The following CDH23 variants were observed in gnomAD, a reference collection of about 807,000 sequenced individuals.
The protein encoded by CDH23 is cadherin related 23.
A neutral mutation model predicts 317.1 loss-of-function variants in CDH23; 189 were observed. That is an observed-to-expected ratio of 0.60 (90% CI 0.53 to 0.67). The LOEUF (loss-of-function observed/expected upper bound fraction) is 0.67. CDH23 is among the 30% of genes least tolerant of loss of function. CDH23 has a pLI of 0.00. For synonymous variants in CDH23, 1,839 were observed against 1,876.8 expected, an observed-to-expected ratio of 0.98 and a Z score of 0.52; for missense variants, 4,401 against 4,592.4, an observed-to-expected ratio of 0.96 and a Z score of 1.20.
intron 40 of CDH23, 49 bp from the exon 41 acceptor site, chr10:71,779,218 A>G (rs1304036779): frequency 1.9e-6 from 3 of 1,576,754 alleles, no homozygotes; most frequent in South Asian, 2.2e-5. Flanking sequence ...GAGGCCCAGC[A>G]CAAAGCTGGC....
At chr10:71,588,154 C>T (rs1269337429) in intron 9 of CDH23, among the ~76,000 whole-genome samples, 1 of 152,170 alleles carries the variant, frequency 6.6e-6, no homozygotes, top group Non-Finnish European at 1.5e-5. Context: ...TCAGCCACCT[C>T]CCACCCCACA....
intron 3 of CDH23, among the ~76,000 whole-genome samples, chr10:71,485,075 G>A (rs1852276982): frequency 6.8e-6 from 1 of 147,278 alleles, no homozygotes; most frequent in Non-Finnish European, 1.5e-5. Context: ...CACCCAGGCT[G>A]GAGGGCAGTG....
intron 3 of CDH23, among the ~76,000 whole-genome samples, chr10:71,486,846 G>A (rs1852379263): frequency 1.3e-5 from 2 of 152,148 alleles, no homozygotes; most frequent in Admixed American, 6.5e-5. Flanking sequence ...GGCAGAGGGA[G>A]AAGTGGAGCT....
At chr10:71,575,458 GA>G (rs2132391968) in intron 8 of CDH23, among the ~76,000 whole-genome samples, 1 of 152,344 alleles carries the variant, frequency 6.6e-6, no homozygotes, top group South Asian at 2.1e-4. Context: ...TTACTCAAAG[GA>G]TTCGAGCGCA....
Position 71,446,195 on chromosome 10 carries a change from A to T in CDH23, c.68-123A>T, listed in dbSNP as rs1351347603. On this transcript the variant is annotated intron_variant, in intron 2 of 69. Coordinates refer to ENST00000224721, the MANE Select transcript of CDH23 (RefSeq NM_022124.6). ...GGATAGTGACTTCCAGGGTCCTGGG[A>T]AGTTGACCATGGCCATGGACACAGG... The T allele has an allele frequency of 2.2e-5, 20 of 895,884 alleles. No individual in the cohort carries two copies. The East Asian group carries it at 5.1e-4, about 23-fold the overall frequency. The allele number at this position is 895,884 out of a possible 1,614,324, so 55.5% of individuals were successfully genotyped here. A position where few individuals can be genotyped will look rare whatever the true frequency, so the allele number is the denominator to read the frequency against.
chr10:71,634,192 T>C (rs1322982937), intron 11 of CDH23, among the ~76,000 whole-genome samples: 1 of 152,190 alleles, frequency 6.6e-6, no homozygotes, highest in African/African-American at 2.4e-5. Flanking sequence ...AGGAGGCTGG[T>C]GAGGCCAGCG....
chr10:71,814,734 ACAG>A (rs1226006032), intron 69 of CDH23, among the ~76,000 whole-genome samples: 4 of 151,768 alleles, frequency 2.6e-5, no homozygotes, highest in Non-Finnish European at 4.4e-5. Context: ...ACACACACAC[ACAG>A]ATTTTCACAA....
intron 38 of CDH23, chr10:71,773,658 G>C: frequency 2.2e-6 from 1 of 460,120 alleles, no homozygotes; most frequent in Non-Finnish European, 3.8e-6. Context: ...CCCGGAGGCC[G>C]GCCCCGTGGG....
chr10:71,699,360 C>T (rs908603893), intron 22 of CDH23, among the ~76,000 whole-genome samples: 22 of 152,262 alleles, frequency 1.4e-4, no homozygotes, highest in African/African-American at 5.1e-4. Context: ...GCATGGGCCA[C>T]AGCACCTGGA....
At chr10:71,778,356 G>T in intron 40 of CDH23, 48 bp downstream of exon 40, 1 of 1,610,064 alleles carries the variant, frequency 6.2e-7, no homozygotes, top group Non-Finnish European at 8.5e-7. Context: ...GGTTGGCGAA[G>T]GATGGGACCC....
intron 11 of CDH23, among the ~76,000 whole-genome samples, chr10:71,631,386 G>A (rs1862008141): frequency 1.3e-5 from 2 of 152,218 alleles, no homozygotes; most frequent in Non-Finnish European, 2.9e-5. Context: ...GAGGATGACT[G>A]AGGAGCCACC....
Position 71,815,209 on chromosome 10 carries a change from C to A in CDH23, c.9996C>A (p.Ala3332=), listed in dbSNP as rs745410300. The A allele has an allele frequency of 3.7e-6, 6 of 1,605,870 alleles. No individual in the cohort carries two copies. The highest frequency in any genetic ancestry group is 5.1e-6 in the Non-Finnish European group (6 of 1,174,264). Residue 3332 remains alanine (A), a synonymous_variant, in exon 70 of 70, where the codon GCC becomes GCA. Transcript: ENST00000224721. The part of the protein sequence containing the change: ...AFERNARTES[A]KSTPLHKLRD... ...AGCGCAACGCCCGCACAGAATCCGC[C>A]AAATCCACACCCCTGCACAAACTTC...
At chr10:71,681,456 C>T (rs1309194260) in intron 17 of CDH23, among the ~76,000 whole-genome samples, 1 of 152,184 alleles carries the variant, frequency 6.6e-6, no homozygotes, top group African/African-American at 2.4e-5. Flanking sequence ...CAAATCCTGC[C>T]TCTCAGCCTG....
rs1191566022 is a variant in CDH23, at chr10:71,403,160, A to AG, written c.-6+5842_-6+5843insG. ...AACAAAAAACAACAACCAAAAAAAA[A>AG]CAAATCCAGCAGTCTGTATAAACAT... On this transcript the variant is annotated intron_variant, in intron 1 of 69. Coordinates refer to ENST00000224721, the MANE Select transcript of CDH23 (RefSeq NM_022124.6). Among the ~76,000 whole-genome samples, 13 of 152,132 alleles carry AG rather than the reference A, an allele frequency of 8.5e-5. No homozygotes were observed. In the East Asian group the frequency reaches 2.5e-3, roughly 29 times the overall value.
chr10:71,562,529 G>T (rs924620491), intron 6 of CDH23, among the ~76,000 whole-genome samples: 22 of 152,332 alleles, frequency 1.4e-4, no homozygotes, highest in African/African-American at 4.8e-4. Context: ...AGTCCCATCA[G>T]CAGAGGGTCT....
chr10:71,789,015 G>A lies in CDH23; in HGVS notation c.5896G>A (p.Ala1966Thr), dbSNP rs1240904388. ...HPLFTKSTYQAEVMENSPAGT... is the reference protein window; with the variant it reads ...HPLFTKSTYQTEVMENSPAGT... Reference sequence around the variant, plus strand: ...CCTCTTCACTAAAAGCACCTACCAGGCAGAGGTGATGGAAAACTCTCCCGC... The same window carrying A: ...CCTCTTCACTAAAAGCACCTACCAGACAGAGGTGATGGAAAACTCTCCCGC... The change falls in exon 45 of 70, where the codon GCA (alanine) becomes ACA (threonine). Residue 1966 changes from alanine to threonine, a missense_variant. Around this residue, in one of 3 missense-constraint regions of CDH23, gnomAD observed 3,068 missense variants for 3,203.3 expected, o/e 0.96. Transcript: ENST00000224721. 7 of 1,592,120 alleles carry A rather than the reference G, an allele frequency of 4.4e-6. No individual in the cohort carries two copies. The highest frequency in any genetic ancestry group is 4.0e-5 in the African/African-American group (3 of 74,586).
intron 9 of CDH23, among the ~76,000 whole-genome samples, chr10:71,593,509 C>G (rs906622109): frequency 4.6e-5 from 7 of 152,056 alleles, no homozygotes; most frequent in Admixed American, 4.6e-4. Flanking sequence ...AATATATAGA[C>G]AAAGTTAACA....
chr10:71,519,632 G>A (rs542736597), intron 6 of CDH23, among the ~76,000 whole-genome samples: 5 of 152,328 alleles, frequency 3.3e-5, no homozygotes, highest in Admixed American at 3.3e-4. Flanking sequence ...CCATAAACAA[G>A]GTGTTAGCCT....
chr10:71,639,233 G>A (rs1035153674), intron 11 of CDH23, among the ~76,000 whole-genome samples: 2 of 152,116 alleles, frequency 1.3e-5, no homozygotes, highest in African/African-American at 4.8e-5. Context: ...CACACACTAG[G>A]GCTCCTTTTG....
Sources: allele counts gnomAD v4.1 joint callset (sites outside exome capture counted in the v4.1 genomes callset), GRCh38; gene constraint gnomAD v4.1.1; regional missense constraint gnomAD v4.1.1; transcripts MANE v1.5; gene names NCBI Gene and HGNC (gene_info 2026-07-23, HGNC 2026-07-21).